The following KMT2C variants were observed in gnomAD, a reference collection of about 807,000 sequenced individuals.
The protein encoded by KMT2C is histone-lysine N-methyltransferase 2C.
KMT2C carries 88 observed loss-of-function variants against 507.9 expected under a neutral mutation model. The ratio of observed to expected loss-of-function variants is 0.17; its 90% CI spans 0.15 to 0.21. The LOEUF is 0.21. Ranked by LOEUF, KMT2C falls within the 10% of genes least tolerant of loss-of-function variation. The pLI, the probability that KMT2C is intolerant of heterozygous loss-of-function variation, is 1.00. For missense variants in KMT2C, 4,954 were observed against 5,957.8 expected (o/e 0.83, Z 5.55); for synonymous variants, 2,049 against 2,080.8 (o/e 0.98, Z 0.42).
At chr7:152,306,085 T>G (rs1157362333) in intron 6 of KMT2C, among the ~76,000 whole-genome samples, 1 of 152,258 alleles carries the variant, frequency 6.6e-6, no homozygotes, top group East Asian at 1.9e-4. Flanking sequence ...ACTTCTGATC[T>G]CAACACTACA....
chr7:152,241,059 T>A (rs1313245310), intron 14 of KMT2C, among the ~76,000 whole-genome samples: 1 of 152,218 alleles, frequency 6.6e-6, no homozygotes, highest in Non-Finnish European at 1.5e-5. Flanking sequence ...TTGTGGCATT[T>A]GTCTCCCCGC....
chr7:152,142,936 G>A (rs2090736308), intron 55 of KMT2C, among the ~76,000 whole-genome samples: 1 of 152,188 alleles, frequency 6.6e-6, no homozygotes, highest in Non-Finnish European at 1.5e-5. Flanking sequence ...GGGATCCCCA[G>A]GGAGGTGGAC....
intron 6 of KMT2C, among the ~76,000 whole-genome samples, chr7:152,304,636 T>C (rs529249609): frequency 1.3e-5 from 2 of 152,224 alleles, no homozygotes; most frequent in African/African-American, 4.8e-5. Flanking sequence ...TAAGTGTTTG[T>C]TTTCTTTGAA....
rs547047189 is a variant in KMT2C, at chr7:152,355,215, T to C, written c.250+3372A>G. The stretch of plus-strand genomic sequence containing the variant: ...GTGAAATCAAGAAAGACTCCATCTT[T>C]TTAAGCCTGAACAATATACAGTGGC... On this transcript the variant is annotated intron_variant, in intron 2 of 58. Coordinates refer to ENST00000262189, the MANE Select transcript of KMT2C (RefSeq NM_170606.3). Among the ~76,000 whole-genome samples, 34 of 152,332 alleles carry C rather than the reference T, an allele frequency of 2.2e-4. No individual in the cohort carries two copies. In the South Asian group the frequency reaches 6.8e-3, roughly 31 times the overall value.
Position 152,315,265 on chromosome 7 carries a change from T to C in KMT2C, c.463A>G (p.Ile155Val), listed in dbSNP as rs2096712011. 6.2e-7 allele frequency: 1 copy of C among 1,614,008 alleles called. No homozygotes were observed. The highest frequency in any genetic ancestry group is 1.1e-5 in the South Asian group (1 of 91,078). ...LGQGDLKQFR[I>V]TPGFILPWRN... is the part of the protein sequence containing the mutation. ...CATGGCAAGATAAATCCAGGCGTTA[T>C]TCTGAATTGTTTTAAGTCTCCTTGT... The change falls in exon 4 of 59, where the codon ATA becomes GTA. Residue 155 changes from isoleucine to valine, a missense_variant. This residue lies in a region of KMT2C where 233 missense variants were observed against 263.6 expected (regional missense o/e 0.88). Coordinates refer to ENST00000262189, the MANE Select transcript of KMT2C (RefSeq NM_170606.3).
At chr7:152,201,867 CAA>C (rs2094154846) in intron 26 of KMT2C, among the ~76,000 whole-genome samples, 2 of 152,032 alleles carry the variant, frequency 1.3e-5, no homozygotes, top group African/African-American at 4.8e-5. Flanking sequence ...AACCGAGACA[CAA>C]GAGATGTTAA....
chr7:152,212,455 C>T (rs2094476171), intron 23 of KMT2C, among the ~76,000 whole-genome samples: 1 of 152,096 alleles, frequency 6.6e-6, no homozygotes, highest in African/African-American at 2.4e-5. Flanking sequence ...AAGGCATCAG[C>T]AGAAAAAAGC....
chr7:152,350,900 A>G (rs2097105526), intron 2 of KMT2C, among the ~76,000 whole-genome samples: 1 of 152,222 alleles, frequency 6.6e-6, no homozygotes, highest in African/African-American at 2.4e-5. Context: ...AGCTATACAA[A>G]AAAAATCTTC....
rs775057546 is a variant in KMT2C at position 152,311,866 on chromosome 7, A to G, written c.671T>C (p.Leu224Pro). The G allele has an allele frequency of 2.5e-6, 4 of 1,612,096 alleles. No individual in the cohort carries two copies. The highest frequency in any genetic ancestry group is 3.4e-6 in the Non-Finnish European group (4 of 1,178,526). The change falls in exon 5 of 59, where the codon CTG (leucine) becomes CCG (proline). Residue 224 changes from leucine to proline, a missense_variant. Leu to Pro is a moderately conservative substitution (Grantham distance 98). Around this residue, in one of 29 missense-constraint regions of KMT2C, gnomAD observed 233 missense variants for 263.6 expected, o/e 0.88. Coordinates refer to ENST00000262189, the MANE Select transcript of KMT2C (RefSeq NM_170606.3). Reference protein sequence around the residue: ...QTASDDQAGKLWDELSLVGLP... With the variant: ...QTASDDQAGKPWDELSLVGLP... Reference sequence around the variant, plus strand: ...CCCAACCAGACTGAGTTCATCCCACAGTTTACCAGCTTGATCATCTGAAGC... The same window carrying G: ...CCCAACCAGACTGAGTTCATCCCACGGTTTACCAGCTTGATCATCTGAAGC...
intron 37 of KMT2C, 22 bp from the exon 38 acceptor site, chr7:152,178,032 A>G (rs2129115944): frequency 7.1e-7 from 1 of 1,400,772 alleles, no homozygotes; most frequent in East Asian, 2.8e-5. Flanking sequence ...AAAAAAAAAA[A>G]AAAAAAAAAA....
At chr7:152,290,844 C>G (rs375695251) in intron 6 of KMT2C, among the ~76,000 whole-genome samples, 1 of 151,954 alleles carries the variant, frequency 6.6e-6, no homozygotes, top group African/African-American at 2.4e-5. Context: ...ACATTCAGTG[C>G]TGTATCTCAA....
At chr7:152,137,410 C>T (rs1255246788) in intron 58 of KMT2C, 1 of 160,970 alleles carries the variant, frequency 6.2e-6, no homozygotes, top group Admixed American at 6.0e-5. Context: ...ACCAAATTAA[C>T]ATCTCAGACC....
chr7:152,290,055 AAAACAAACAAAC>A, intron 6 of KMT2C, among the ~76,000 whole-genome samples: 1 of 146,538 alleles, frequency 6.8e-6, no homozygotes, highest in Admixed American at 6.9e-5. Flanking sequence ...CAAACAAAAC[AAAACAAACAAAC>A]AAACAAACAA....
intron 6 of KMT2C, among the ~76,000 whole-genome samples, chr7:152,308,344 T>C (rs2096638823): frequency 6.6e-6 from 1 of 152,138 alleles, no homozygotes; most frequent in African/African-American, 2.4e-5. Context: ...TAATATTCCA[T>C]TGGAAGGGCT....
intron 41 of KMT2C, among the ~76,000 whole-genome samples, chr7:152,167,916 T>C (rs2129106837): frequency 6.6e-6 from 1 of 152,336 alleles, no homozygotes; most frequent in East Asian, 1.9e-4. Context: ...AATGGAATAA[T>C]TTAAAGTCTA....
At chr7:152,224,938 C>T (rs2094883508) in intron 18 of KMT2C, among the ~76,000 whole-genome samples, 2 of 152,076 alleles carry the variant, frequency 1.3e-5, no homozygotes, top group Admixed American at 1.3e-4. Flanking sequence ...GTAAGCTTCC[C>T]TATTATTGAT....
At chr7:152,269,526 T>G (rs573091770) in intron 7 of KMT2C, among the ~76,000 whole-genome samples, 11 of 152,312 alleles carry the variant, frequency 7.2e-5, no homozygotes, top group African/African-American at 2.6e-4. Flanking sequence ...CCAGAGACAC[T>G]AAGTTTAAAG....
In KMT2C at chr7:152,181,035, T is replaced by C; in HGVS notation, c.6825A>G (p.Thr2275=). The C allele has an allele frequency of 6.2e-7, 1 of 1,614,106 alleles. No homozygotes were observed. The highest frequency in any genetic ancestry group is 8.5e-7 in the Non-Finnish European group (1 of 1,180,028). The part of the protein sequence containing the change: ...LVRPPDTCSQ[T]PRPPGPGLSD... ...AAAGACCAGGTCCAGGGGGCCTAGG[T>C]GTCTGGGAACATGTATCAGGTGGCC... is the stretch of plus-strand genomic sequence containing the variant. The change falls in exon 36 of 59, where the codon ACA becomes ACG. Residue 2275 remains threonine, a synonymous_variant. Transcript: ENST00000262189.
intron 26 of KMT2C, among the ~76,000 whole-genome samples, chr7:152,201,617 G>GAAAAAAAAAAA: frequency 4.4e-5 from 1 of 22,906 alleles, no homozygotes; most frequent in South Asian, 1.1e-3. Flanking sequence ...CAACAAAGAT[G>GAAAAAAAAAAA]AAAAAAAAAA....
Sources: gnomAD v4.1 joint callset for allele counts (sites outside exome capture counted in the v4.1 genomes callset) on GRCh38, gnomAD v4.1.1 for gene constraint, gnomAD v4.1.1 regional missense constraint, MANE v1.5 for transcripts, NCBI Gene and HGNC (gene_info 2026-07-23, HGNC 2026-07-21) for gene names.